PTPRN2: variants seen among roughly 807,000 people sequenced by gnomAD.
PTPRN2 encodes the protein receptor-type tyrosine-protein phosphatase N2.
Under a neutral mutation model 118.8 loss-of-function variants are expected in PTPRN2, and 74 were observed. The ratio of observed to expected loss-of-function variants is 0.62; its 90% confidence interval spans 0.52 to 0.76. PTPRN2 has a LOEUF of 0.76. Ranked by LOEUF, PTPRN2 falls within the 30% of genes least tolerant of loss-of-function variation. The pLI, the probability that PTPRN2 is intolerant of heterozygous loss-of-function variation, is 0.00. For synonymous variants in PTPRN2, 641 were observed against 608.0 expected (o/e 1.05, Z -0.80); for missense variants, 1,481 against 1,394.4 (o/e 1.06, Z -0.99).
rs1798569545 is a variant in PTPRN2 at position 157,550,966 on chromosome 7, G to C, written c.2903-1947C>G. ...AAACGGGTGAGTTTGTGAAATGGTA[G>C]AGAGGAAGGGAGGAAGCCAAAGGAC... On this transcript the variant is annotated intron_variant, in intron 21 of 22. Transcript: ENST00000389418. The surrounding 1 kb of genome is among the most constrained non-coding windows in gnomAD (Gnocchi z 5.2). Among the ~76,000 whole-genome samples, 1 of 152,168 alleles carries C rather than the reference G, an allele frequency of 6.6e-6. No homozygotes were observed. Among genetic ancestry groups the C allele is most frequent in the African/African-American group, 2.4e-5 (1 of 41,436 alleles).
At chr7:158,429,722 A>G (rs1156492011) in intron 2 of PTPRN2, among the ~76,000 whole-genome samples, 2 of 152,214 alleles carry the variant, frequency 1.3e-5, no homozygotes, top group South Asian at 2.1e-4. Context: ...GTTTTTCACT[A>G]ATTCATGGCT....
At position 158,472,579 on chromosome 7, in the gene PTPRN2, G is replaced by C. The variant is rs142772023; in HGVS notation, c.163+17156C>G. On this transcript the variant is annotated intron_variant, in intron 2 of 22. Transcript: ENST00000389418. ...AAAGCACCCAGGCCTGGAATAGAGA[G>C]AGCAGGTTCCAAAGCAGCCCCAGGC... Among the ~76,000 whole-genome samples the C allele has an allele frequency of 1.3e-3, 203 of 152,302 alleles. 4 individuals are homozygous for C. In the South Asian group the frequency reaches 0.022, roughly 16 times the overall value.
At chr7:158,285,028 C>T (rs189120834) in intron 3 of PTPRN2, among the ~76,000 whole-genome samples, 56 of 152,356 alleles carry the variant, frequency 3.7e-4, no homozygotes, top group African/African-American at 1.3e-3. Context: ...CTCCTCATCA[C>T]GCTCGTCATC....
At chr7:158,314,171 C>T (rs1242335459) in intron 3 of PTPRN2, among the ~76,000 whole-genome samples, 4 of 152,172 alleles carry the variant, frequency 2.6e-5, no homozygotes, top group South Asian at 2.1e-4. Context: ...TACCTAGAGC[C>T]GGGCTGAAAT....
At chr7:157,730,082 G>C (rs55795927) in intron 12 of PTPRN2, among the ~76,000 whole-genome samples, 18,682 of 152,212 alleles carry the variant, frequency 0.12, 1,560 homozygotes, top group Non-Finnish European at 0.18. Flanking sequence ...ATAGGGTAAA[G>C]TCCACATTCG....
rs116623442 is a variant in PTPRN2, at chr7:157,656,666, A to T, written c.2002-115T>A. ...CTTCTCCTGCTAAGATCCAAGGTTC[A>T]GGCAGGCGAGAGTTTACCCCAGGGC... is the stretch of plus-strand genomic sequence containing the variant. On this transcript the variant is annotated intron_variant, in intron 13 of 22. Transcript: ENST00000389418. 263 of 1,124,350 alleles carry T rather than the reference A, an allele frequency of 2.3e-4. 5 individuals carry two copies. The African/African-American group carries it at 3.4e-3, about 14-fold the overall frequency. 69.6% of individuals were successfully genotyped at this position (1,124,350 alleles called of 1,614,324 possible).
intron 6 of PTPRN2, among the ~76,000 whole-genome samples, chr7:158,157,661 A>C (rs921101158): frequency 6.6e-6 from 1 of 152,212 alleles, no homozygotes; most frequent in Non-Finnish European, 1.5e-5. Flanking sequence ...CACTGGGCGC[A>C]TCCACGTCAG....
intron 2 of PTPRN2, among the ~76,000 whole-genome samples, chr7:158,433,116 C>T (rs974827575): frequency 6.6e-6 from 1 of 152,232 alleles, no homozygotes; most frequent in Non-Finnish European, 1.5e-5. Context: ...TGGCTCTGTA[C>T]AACAGTAGCT....
chr7:157,941,589 T>C (rs1010774728), intron 11 of PTPRN2, among the ~76,000 whole-genome samples: 10 of 152,114 alleles, frequency 6.6e-5, no homozygotes, highest in Non-Finnish European at 1.2e-4. Flanking sequence ...AGCAAGCCAC[T>C]GTGTAAGAGT....
intron 5 of PTPRN2, among the ~76,000 whole-genome samples, chr7:158,181,535 G>C (rs1585762237): frequency 6.6e-6 from 1 of 152,222 alleles, no homozygotes; most frequent in East Asian, 1.9e-4. Flanking sequence ...TGAGTGTCTG[G>C]TATAATTCAG....
intron 21 of PTPRN2, among the ~76,000 whole-genome samples, chr7:157,561,562 G>A (rs1011687959): frequency 7.9e-5 from 12 of 152,264 alleles, no homozygotes; most frequent in African/African-American, 2.4e-4. Context: ...GCAGGGTTCT[G>A]CATCTGACTC....
At chr7:158,171,131 TATATAC>T (rs1823550009) in intron 5 of PTPRN2, among the ~76,000 whole-genome samples, 6 of 70,914 alleles carry the variant, frequency 8.5e-5, no homozygotes, top group East Asian at 1.2e-3. Context: ...TATATACACA[TATATAC>T]ACACATATAT....
At chr7:157,745,178 G>A (rs1800848576) in intron 12 of PTPRN2, among the ~76,000 whole-genome samples, 2 of 152,196 alleles carry the variant, frequency 1.3e-5, no homozygotes, top group Admixed American at 1.3e-4. Flanking sequence ...GATGAAAGAG[G>A]TGGAGCTCGT....
intron 12 of PTPRN2, among the ~76,000 whole-genome samples, chr7:157,707,120 G>T (rs1368254133): frequency 6.6e-6 from 1 of 152,178 alleles, no homozygotes; most frequent in Non-Finnish European, 1.5e-5. Context: ...GGAATCTATA[G>T]ATTCAGGTTT....
At chr7:158,151,201 C>T (rs113229406) in intron 6 of PTPRN2, among the ~76,000 whole-genome samples, 19 of 17,602 alleles carry the variant, frequency 1.1e-3, no homozygotes, top group Admixed American at 2.2e-3. Flanking sequence ...CCTGCCCACA[C>T]CACCCACCTT....
At chr7:158,130,780 C>T (rs959541926) in intron 9 of PTPRN2, among the ~76,000 whole-genome samples, 1 of 150,806 alleles carries the variant, frequency 6.6e-6, no homozygotes, top group Admixed American at 6.6e-5. Flanking sequence ...CATACATGCA[C>T]ATATGCACAA....
At chr7:158,299,675 A>G (rs978419527) in intron 3 of PTPRN2, among the ~76,000 whole-genome samples, 2 of 151,856 alleles carry the variant, frequency 1.3e-5, no homozygotes, top group Admixed American at 6.6e-5. Context: ...TGAGCTTCTC[A>G]CCTCTCTGAC....
intron 2 of PTPRN2, among the ~76,000 whole-genome samples, chr7:158,361,768 A>G (rs1472166691): frequency 1.3e-5 from 2 of 152,190 alleles, no homozygotes; most frequent in African/African-American, 4.8e-5. Context: ...CAGGAAGGTC[A>G]GTGCCTGGAG....
intron 8 of PTPRN2, among the ~76,000 whole-genome samples, chr7:158,135,605 T>C (rs2150445917): frequency 6.6e-6 from 1 of 152,268 alleles, no homozygotes; most frequent in East Asian, 1.9e-4. Flanking sequence ...TCAGGGAGTC[T>C]TAGGCTAACG....
Sources: allele counts gnomAD v4.1 joint callset (sites outside exome capture counted in the v4.1 genomes callset), GRCh38; gene constraint gnomAD v4.1.1; non-coding constraint Gnocchi (gnomAD v3.1); transcripts MANE v1.5; gene names NCBI Gene and HGNC (gene_info 2026-07-23, HGNC 2026-07-21).